The following FAM227B variants were observed in gnomAD, a reference collection of about 807,000 sequenced individuals.
FAM227B encodes the protein family with sequence similarity 227 member B.
FAM227B carries 88 observed loss-of-function variants against 73.8 expected under a neutral mutation model. That is an observed-to-expected ratio of 1.19 (90% CI 1.00 to 1.42). The LOEUF (loss-of-function observed/expected upper bound fraction) is 1.42. Ranked by LOEUF, FAM227B falls within the 40% of genes most tolerant of loss-of-function variation. The pLI, the probability that FAM227B is intolerant of heterozygous loss-of-function variation, is 0.00. For synonymous variants in FAM227B, 210 were observed against 190.5 expected (o/e 1.10, Z -0.84); for missense variants, 632 against 590.9 (o/e 1.07, Z -0.72).
At chr15:49,338,682 G>C (rs964986388) in intron 13 of FAM227B, among the ~76,000 whole-genome samples, 8 of 151,300 alleles carry the variant, frequency 5.3e-5, no homozygotes, top group Non-Finnish European at 1.2e-4. Context: ...TGCCTTGCTA[G>C]GTTGGGGAAG....
chr15:49,585,932 C>T (rs936399224), intron 5 of FAM227B, among the ~76,000 whole-genome samples: 5 of 152,032 alleles, frequency 3.3e-5, no homozygotes, highest in Admixed American at 6.6e-5. Flanking sequence ...GAATCAATAT[C>T]GTTAAAATGA....
At chr15:49,355,856 C>A (rs1192816733) in intron 13 of FAM227B, among the ~76,000 whole-genome samples, 1 of 152,152 alleles carries the variant, frequency 6.6e-6, no homozygotes, top group East Asian at 1.9e-4. Context: ...TCGGGTCACC[C>A]TCAAAGGGAA....
intron 3 of FAM227B, 98 bp from the exon 4 acceptor site, chr15:49,590,105 C>G: frequency 1.5e-6 from 1 of 669,720 alleles, no homozygotes; most frequent in Non-Finnish European, 2.6e-6. Context: ...AGATTTTATT[C>G]CACAGCATTG....
chr15:49,396,656 G>C (rs565030203), intron 11 of FAM227B, among the ~76,000 whole-genome samples: 13 of 151,898 alleles, frequency 8.6e-5, no homozygotes, highest in South Asian at 6.3e-4. Context: ...ATCTGAGAAC[G>C]GGCAGACTGC....
chr15:49,482,787 T>C (rs1177304914), intron 11 of FAM227B, among the ~76,000 whole-genome samples: 2 of 152,036 alleles, frequency 1.3e-5, no homozygotes, highest in Non-Finnish European at 2.9e-5. Context: ...AGTTAATACA[T>C]AAGAGCAATG....
chr15:49,400,356 C>T (rs201084450), intron 11 of FAM227B, among the ~76,000 whole-genome samples: 3,973 of 99,172 alleles, frequency 0.04, 96 homozygotes, highest in African/African-American at 0.17. Flanking sequence ...AAAGAGGATA[C>T]AAACAAATGG....
chr15:49,328,130 G>GGT lies in FAM227B; in HGVS notation c.*436_*437dup, dbSNP rs750345601. 8.1e-6 allele frequency: 13 copies of GGT among 1,614,070 alleles called. 1 individual carries two copies. The Middle Eastern group carries it at 5.0e-4, about 62-fold the overall frequency. On this transcript the variant is annotated 3_prime_UTR_variant, in exon 16 of 16. Coordinates refer to ENST00000299338, the MANE Select transcript of FAM227B (RefSeq NM_152647.3). Reference sequence around the variant, plus strand: ...AAGTTTGTTTGCTACCAAACCTGGAGGTGGGGCTTTGGTTTTGCTTGAGGC... The same window carrying GGT: ...AAGTTTGTTTGCTACCAAACCTGGAGGTGTGGGGCTTTGGTTTTGCTTGAGGC...
chr15:49,470,417 T>G (rs570918288), intron 11 of FAM227B, among the ~76,000 whole-genome samples: 1 of 152,342 alleles, frequency 6.6e-6, no homozygotes, highest in South Asian at 2.1e-4. Context: ...ACAATTTCAC[T>G]GTGGATCTAG....
At chr15:49,355,996 C>T (rs2043092837) in intron 13 of FAM227B, among the ~76,000 whole-genome samples, 1 of 151,416 alleles carries the variant, frequency 6.6e-6, no homozygotes, top group Non-Finnish European at 1.5e-5. Flanking sequence ...AACTAAGCTT[C>T]ATAAGTGAAG....
At chr15:49,366,641 A>G in intron 13 of FAM227B, 1 of 1,576,498 alleles carries the variant, frequency 6.3e-7, no homozygotes, top group Non-Finnish European at 8.7e-7. Flanking sequence ...GAAGCCCCAG[A>G]GCAGGGCGGC....
intron 11 of FAM227B, among the ~76,000 whole-genome samples, chr15:49,381,235 T>C (rs899724818): frequency 1.3e-5 from 2 of 152,152 alleles, no homozygotes; most frequent in East Asian, 3.9e-4. Context: ...ACACTGGGGA[T>C]TATATCTCAA....
intron 13 of FAM227B, among the ~76,000 whole-genome samples, chr15:49,359,015 T>C (rs1451563656): frequency 1.3e-5 from 2 of 151,928 alleles, no homozygotes; most frequent in Non-Finnish European, 2.9e-5. Flanking sequence ...TAAATGGTGC[T>C]GGGAAAACTG....
chr15:49,399,423 AGGAGGAACT>A (rs2047954688), intron 11 of FAM227B, among the ~76,000 whole-genome samples: 1 of 150,874 alleles, frequency 6.6e-6, no homozygotes, highest in South Asian at 2.1e-4. Flanking sequence ...CAGAGGTACA[AGGAGGAACT>A]GGTACCATTC....
At chr15:49,343,066 C>G (rs992655231) in intron 13 of FAM227B, among the ~76,000 whole-genome samples, 34 of 152,112 alleles carry the variant, frequency 2.2e-4, no homozygotes, top group Admixed American at 2.0e-4. Context: ...GTCTACCTCT[C>G]TAACAAGATA....
chr15:49,337,187 ATTTTTCT>A (rs1446015201), intron 13 of FAM227B, among the ~76,000 whole-genome samples: 1 of 151,998 alleles, frequency 6.6e-6, no homozygotes, highest in African/African-American at 2.4e-5. Flanking sequence ...GGAATAATTT[ATTTTTCT>A]TTTGAGTATA....
intron 11 of FAM227B, among the ~76,000 whole-genome samples, chr15:49,409,077 T>C (rs955889841): frequency 3.9e-5 from 6 of 152,214 alleles, no homozygotes; most frequent in Admixed American, 6.5e-5. Context: ...CTTTGGTTCA[T>C]ATGTATGATT....
At chr15:49,351,563 GA>G (rs1471008836) in intron 13 of FAM227B, among the ~76,000 whole-genome samples, 2 of 152,230 alleles carry the variant, frequency 1.3e-5, no homozygotes, top group Non-Finnish European at 2.9e-5. Flanking sequence ...GTAATGGTGA[GA>G]ACTGAAACTA....
chr15:49,395,798 T>C (rs1431253825), intron 11 of FAM227B, among the ~76,000 whole-genome samples: 5 of 152,318 alleles, frequency 3.3e-5, no homozygotes, highest in Non-Finnish European at 5.9e-5. Context: ...ATATATTAAA[T>C]TTTGAAGATG....
intron 11 of FAM227B, among the ~76,000 whole-genome samples, chr15:49,381,847 A>T (rs2046556349): frequency 6.6e-6 from 1 of 152,160 alleles, no homozygotes; most frequent in African/African-American, 2.4e-5. Flanking sequence ...ACAAATACAT[A>T]AAAATTTATC....
Sources: gnomAD v4.1 joint callset for allele counts (sites outside exome capture counted in the v4.1 genomes callset) on GRCh38, gnomAD v4.1.1 for gene constraint, MANE v1.5 for transcripts, NCBI Gene and HGNC (gene_info 2026-07-23, HGNC 2026-07-21) for gene names.